Variants in TRPM3 observed in about 807,000 individuals in gnomAD.
TRPM3 encodes the protein long transient receptor potential channel 3.
Under a neutral mutation model 181.2 loss-of-function variants are expected in TRPM3, and 77 were observed. The ratio of observed to expected loss-of-function variants is 0.42; its 90% CI spans 0.35 to 0.51. The LOEUF (loss-of-function observed/expected upper bound fraction) is 0.51, where lower values mean the gene tolerates loss of function less well. TRPM3 is among the 20% of genes least tolerant of loss of function. The pLI is 0.01. For missense variants in TRPM3, 1,759 were observed against 2,196.7 expected, an observed-to-expected ratio of 0.80 and a Z score of 3.98; for synonymous variants, 745 against 796.4, an observed-to-expected ratio of 0.94 and a Z score of 1.09.
chr9:70,977,947 T>G (rs1218142411), intron 1 of TRPM3, among the ~76,000 whole-genome samples: 2 of 152,208 alleles, frequency 1.3e-5, no homozygotes, highest in African/African-American at 4.8e-5. Flanking sequence ...TATGAAAGCA[T>G]GATTGGTTAA....
chr9:70,856,127 C>A (rs915970363), intron 3 of TRPM3, among the ~76,000 whole-genome samples: 22 of 152,108 alleles, frequency 1.4e-4, no homozygotes, highest in African/African-American at 5.3e-4. Flanking sequence ...AATTTTCTGC[C>A]AGAATTATTT....
At chr9:71,046,130 A>G (rs369723442) in intron 1 of TRPM3, among the ~76,000 whole-genome samples, 155 of 152,046 alleles carry the variant, frequency 1.0e-3, no homozygotes, top group African/African-American at 2.8e-3. Context: ...AGCTGCAATT[A>G]CAAGCGCCCC....
At chr9:71,214,501 C>T (rs988292529) in intron 1 of TRPM3, among the ~76,000 whole-genome samples, 22 of 152,152 alleles carry the variant, frequency 1.4e-4, no homozygotes, top group Non-Finnish European at 2.8e-4. Flanking sequence ...AATCCAAGTG[C>T]TGACCAACTG....
chr9:71,130,509 T>C (rs2074304754), intron 1 of TRPM3, among the ~76,000 whole-genome samples: 1 of 152,322 alleles, frequency 6.6e-6, no homozygotes, highest in African/African-American at 2.4e-5. Flanking sequence ...TTGGACTTCA[T>C]ATAAAATGTT....
chr9:71,140,114 T>C (rs1205845180), intron 1 of TRPM3, among the ~76,000 whole-genome samples: 1 of 152,150 alleles, frequency 6.6e-6, no homozygotes, highest in African/African-American at 2.4e-5. Context: ...CATCCTGAAA[T>C]GTTGCACTAA....
At chr9:71,197,728 T>C (rs976524672) in intron 1 of TRPM3, among the ~76,000 whole-genome samples, 2 of 150,996 alleles carry the variant, frequency 1.3e-5, no homozygotes, top group African/African-American at 4.9e-5. Flanking sequence ...GTTTGTTTTT[T>C]TCTTGTAAAT....
chr9:70,614,833 T>A (rs1307619420), intron 18 of TRPM3, among the ~76,000 whole-genome samples: 1 of 152,236 alleles, frequency 6.6e-6, no homozygotes, highest in Non-Finnish European at 1.5e-5. Context: ...GCCAATTTTC[T>A]TCTAATGATC....
intron 1 of TRPM3, among the ~76,000 whole-genome samples, chr9:71,296,319 C>G (rs1015083431): frequency 6.6e-6 from 1 of 151,986 alleles, no homozygotes; most frequent in South Asian, 2.1e-4. Context: ...GCTAGGAAGA[C>G]GGAAAAATAA....
intron 1 of TRPM3, among the ~76,000 whole-genome samples, chr9:70,947,577 T>C (rs2133642268): frequency 6.6e-6 from 1 of 152,310 alleles, no homozygotes; most frequent in Admixed American, 6.5e-5. Context: ...CCTTTTGTTG[T>C]TATTCAAAGT....
chr9:70,893,476 C>T (rs2096241163), intron 1 of TRPM3, among the ~76,000 whole-genome samples: 1 of 152,244 alleles, frequency 6.6e-6, no homozygotes, highest in South Asian at 2.1e-4. Flanking sequence ...TATGATGATG[C>T]TACTACTAAT....
intron 6 of TRPM3, among the ~76,000 whole-genome samples, chr9:70,809,184 C>T (rs1184131550): frequency 1.3e-5 from 2 of 151,928 alleles, no homozygotes; most frequent in African/African-American, 4.8e-5. Context: ...ATGTTTTAAG[C>T]TAAGTATTAT....
chr9:70,981,726 T>A (rs1490016688), intron 1 of TRPM3, among the ~76,000 whole-genome samples: 2 of 152,312 alleles, frequency 1.3e-5, no homozygotes, highest in East Asian at 3.9e-4. Context: ...AGTACTCAAT[T>A]AATGCTAATA....
intron 1 of TRPM3, among the ~76,000 whole-genome samples, chr9:71,394,877 A>T (rs1339783238): frequency 6.6e-6 from 1 of 152,208 alleles, no homozygotes; most frequent in Non-Finnish European, 1.5e-5. Context: ...CTGTGCCTCA[A>T]AAGGCCAAAA....
chr9:70,788,161 C>G (rs539179369), intron 6 of TRPM3, among the ~76,000 whole-genome samples: 2 of 104,838 alleles, frequency 1.9e-5, no homozygotes, highest in African/African-American at 7.3e-5. Flanking sequence ...ATCCCTCCCC[C>G]CTCCCCCCAC....
intron 1 of TRPM3, among the ~76,000 whole-genome samples, chr9:71,148,022 T>C (rs1165646640): frequency 6.6e-6 from 1 of 152,030 alleles, no homozygotes; most frequent in African/African-American, 2.4e-5. Flanking sequence ...CTTCCTCTCA[T>C]GGTACTCTAT....
chr9:70,743,141 TGG>T, intron 8 of TRPM3, among the ~76,000 whole-genome samples: 1 of 152,144 alleles, frequency 6.6e-6, no homozygotes, highest in African/African-American at 2.4e-5. Context: ...AAAGTACATT[TGG>T]TTAGACTAGA....
chr9:71,274,880 A>C (rs2084074142), intron 1 of TRPM3, among the ~76,000 whole-genome samples: 1 of 152,194 alleles, frequency 6.6e-6, no homozygotes, highest in African/African-American at 2.4e-5. Flanking sequence ...CTAATTTCTT[A>C]GGGACTTAAG....
intron 8 of TRPM3, chr9:70,760,675 T>G (rs1424772810): frequency 6.6e-6 from 1 of 151,730 alleles, no homozygotes; most frequent in Non-Finnish European, 1.5e-5. Context: ...CCTTTTTTTT[T>G]TTTTTCTAAA....
intron 1 of TRPM3, among the ~76,000 whole-genome samples, chr9:71,095,880 C>A (rs2067105808): frequency 6.6e-6 from 1 of 151,912 alleles, no homozygotes; most frequent in Non-Finnish European, 1.5e-5. Flanking sequence ...CCCTTCTTCA[C>A]CCAGATAGCT....
Sources: gnomAD v4.1 joint callset for allele counts (sites outside exome capture counted in the v4.1 genomes callset) on GRCh38, gnomAD v4.1.1 for gene constraint, MANE v1.5 for transcripts, NCBI Gene and HGNC (gene_info 2026-07-23, HGNC 2026-07-21) for gene names.